The following CD8A variants were observed in gnomAD, a reference collection of about 807,000 sequenced individuals.
The protein encoded by CD8A is T-cell surface glycoprotein CD8 alpha chain.
A neutral mutation model predicts 24.2 loss-of-function variants in CD8A; 25 were observed. That is an observed-to-expected ratio of 1.03 (90% CI 0.75 to 1.44). The LOEUF (loss-of-function observed/expected upper bound fraction) is 1.44, where lower values mean the gene tolerates loss of function less well. CD8A is among the 40% of genes most tolerant of loss of function. The probability of loss-of-function intolerance (pLI) is 0.00; values close to 1 mark genes in which losing one functional copy is unlikely to be tolerated. For synonymous variants in CD8A, 165 were observed against 149.9 expected (o/e 1.10, Z -0.74); for missense variants, 360 against 319.7 (o/e 1.13, Z -0.96).
chr2:86,790,547 C>G lies in CD8A; in HGVS notation c.184G>C (p.Gly62Arg). Residue 62 changes from glycine (G) to arginine (R), a missense_variant, in exon 2 of 6, where the codon GGC becomes CGC. By Grantham distance (125) the Gly-to-Arg change is moderately radical. Transcript: ENST00000283635. ...SGCSWLFQPR[G>R]AAASPTFLLY... Reference sequence around the variant, plus strand: ...AGGAAGGTGGGACTGGCGGCGGCGCCGCGCGGCTGGAAGAGCCACGAGCAG... The same window carrying G: ...AGGAAGGTGGGACTGGCGGCGGCGCGGCGCGGCTGGAAGAGCCACGAGCAG... 1 of 1,613,406 alleles carries G rather than the reference C, an allele frequency of 6.2e-7. No individual in the cohort carries two copies. The highest frequency in any genetic ancestry group is 1.1e-5 in the South Asian group (1 of 91,080).
rs1227636079 is a variant in CD8A at position 86,785,840 on chromosome 2, G to T, written c.*80C>A. The T allele has an allele frequency of 9.7e-7, 1 of 1,032,542 alleles. No homozygotes were observed. Among genetic ancestry groups the T allele is most frequent in the Admixed American group, 1.7e-5 (1 of 59,300 alleles). 64.0% of individuals were successfully genotyped at this position (1,032,542 alleles called of 1,614,324 possible). On this transcript the variant is annotated 3_prime_UTR_variant, in exon 6 of 6. Coordinates refer to ENST00000283635, the MANE Select transcript of CD8A (RefSeq NM_001768.7). ...GAATGAATACACAGGGAGGAAGACT[G>T]GAAAAAATGAAAGGGAAGGACTTGC...
At chr2:86,800,464 A>C (rs1045598278) in intron 3 of CD8A, among the ~76,000 whole-genome samples, 1 of 151,322 alleles carries the variant, frequency 6.6e-6, no homozygotes, top group Admixed American at 6.6e-5. Context: ...AAAAAGAAAG[A>C]AAAAAAAAGA....
At chr2:86,786,743 G>A (rs761989517) in intron 5 of CD8A, among the ~76,000 whole-genome samples, 16 of 152,244 alleles carry the variant, frequency 1.1e-4, no homozygotes, top group Non-Finnish European at 1.9e-4. Context: ...AAAACTGGCC[G>A]GGTGCGGTAG....
chr2:86,790,920 T>C, upstream of CD8A: 1 of 1,213,344 alleles, frequency 8.2e-7, no homozygotes, highest in Non-Finnish European at 1.2e-6. Context: ...AGTTGCGCCC[T>C]TCGGCCGGCC....
intron 3 of CD8A, among the ~76,000 whole-genome samples, chr2:86,798,981 G>A (rs541347135): frequency 6.6e-6 from 1 of 152,098 alleles, no homozygotes; most frequent in Admixed American, 6.5e-5. Flanking sequence ...TCATCATATT[G>A]TGTGTCTTTG....
In CD8A at chr2:86,785,500, C is replaced by G. The variant is rs1672959790; in HGVS notation, c.*420G>C. The stretch of plus-strand genomic sequence containing the variant: ...AGAGCCCTGAGCTGGGAGACAAGGT[C>G]CCTCCAGCTACTGCTCCAACCCTGA... On this transcript the variant is annotated 3_prime_UTR_variant, in exon 6 of 6. Transcript: ENST00000283635. 1 of 461,094 alleles carries G rather than the reference C, an allele frequency of 2.2e-6. No individual in the cohort carries two copies. Among genetic ancestry groups the G allele is most frequent in the Admixed American group, 2.3e-5 (1 of 42,716 alleles). The allele number at this position is 461,094 out of a possible 1,614,324, so 28.6% of individuals were successfully genotyped here. A position where few individuals can be genotyped will look rare whatever the true frequency, so the allele number is the denominator to read the frequency against.
intron 2 of CD8A, among the ~76,000 whole-genome samples, chr2:86,806,404 C>A (rs1354882413): frequency 3.3e-5 from 5 of 152,202 alleles, no homozygotes; most frequent in Non-Finnish European, 5.9e-5. Flanking sequence ...CAAGGAAAGT[C>A]AAGAAGTGGG....
upstream of CD8A, among the ~76,000 whole-genome samples, chr2:86,792,492 T>C (rs1673342773): frequency 6.6e-6 from 1 of 151,932 alleles, no homozygotes; most frequent in African/African-American, 2.4e-5. Flanking sequence ...TCTTTGTCGT[T>C]GTTGCTATTT....
intron 3 of CD8A, among the ~76,000 whole-genome samples, chr2:86,798,301 G>A (rs1034426740): frequency 1.3e-5 from 2 of 151,088 alleles, no homozygotes; most frequent in African/African-American, 2.4e-5. Context: ...TCAGCCTCCC[G>A]AGTAGCTGGG....
chr2:86,790,503 G>C lies in CD8A; in HGVS notation c.228C>G (p.Asn76Lys), dbSNP rs753843448. Residue 76 changes from asparagine (N) to lysine (K), a missense_variant, in exon 2 of 6, where the codon AAC (asparagine) becomes AAG (lysine). Transcript: ENST00000283635. ...CCAGCCCCTCGGCCGCCTTGGGCTT[G>C]TTTTGGGAGAGGTATAGGAGGAAGG... The part of the protein sequence containing the change: ...SPTFLLYLSQ[N>K]KPKAAEGLDT... 1 of 1,614,124 alleles carries C rather than the reference G, an allele frequency of 6.2e-7. No individual in the cohort carries two copies. Among genetic ancestry groups the C allele is most frequent in the South Asian group, 1.1e-5 (1 of 91,082 alleles).
upstream of CD8A, chr2:86,791,521 A>T: frequency 2.2e-6 from 1 of 454,148 alleles, no homozygotes; most frequent in South Asian, 1.6e-5. Flanking sequence ...ACACAGCCTC[A>T]TCTCTTCTTG....
chr2:86,794,326 G>A (rs7577266), upstream of CD8A, among the ~76,000 whole-genome samples: 7,297 of 152,210 alleles, frequency 0.048, 314 homozygotes, highest in East Asian at 0.12. Context: ...ATGCAAAACC[G>A]GGCAGAGCAG....
Position 86,790,422 on chromosome 2 carries a change from G to A in CD8A, c.309C>T (p.Ser103=), listed in dbSNP as rs780004271. The part of the protein sequence containing the change: ...RLGDTFVLTL[S]DFRRENEGYY... ...AGCCCTCGTTCTCTCGGCGGAAGTC[G>A]CTCAGGGTGAGGACGAAGGTGTCCC... Residue 103 remains serine (S), a synonymous_variant, in exon 2 of 6, where the codon AGC becomes AGT. Coordinates refer to ENST00000283635, the MANE Select transcript of CD8A (RefSeq NM_001768.7). 3.1e-6 allele frequency: 5 copies of A among 1,614,030 alleles called. No individual in the cohort carries two copies. Among genetic ancestry groups the A allele is most frequent in the Non-Finnish European group, 4.2e-6 (5 of 1,180,012 alleles).
chr2:86,789,823 C>T, intron 2 of CD8A, 73 bp from the exon 3 acceptor site: 1 of 890,646 alleles, frequency 1.1e-6, no homozygotes, highest in Non-Finnish European at 1.5e-6. Flanking sequence ...GCCTCGCGCA[C>T]CTTTCCCCAC....
At position 86,790,398 on chromosome 2, in the gene CD8A, G is replaced by C; in HGVS notation, c.333C>G (p.Gly111=). 1 of 1,614,164 alleles carries C rather than the reference G, an allele frequency of 6.2e-7. No individual in the cohort carries two copies. The highest frequency in any genetic ancestry group is 8.5e-7 in the Non-Finnish European group (1 of 1,180,024). The part of the protein sequence containing the change: ...TLSDFRRENE[G]YYFCSALSNS... ...TGCTCAGGGCCGAGCAGAAATAGTA[G>C]CCCTCGTTCTCTCGGCGGAAGTCGC... The change falls in exon 2 of 6, where the codon GGC becomes GGG. Residue 111 remains glycine, a synonymous_variant. Transcript: ENST00000283635.
chr2:86,803,504 C>G (rs1362435172), intron 2 of CD8A, among the ~76,000 whole-genome samples: 3 of 152,008 alleles, frequency 2.0e-5, no homozygotes, highest in Non-Finnish European at 4.4e-5. Context: ...TGAAAGAAGC[C>G]AGACACAGAA....
At chr2:86,787,886 A>AGG (rs1474216171) in intron 5 of CD8A, among the ~76,000 whole-genome samples, 17 of 126,802 alleles carry the variant, frequency 1.3e-4, no homozygotes, top group Non-Finnish European at 2.3e-4. Context: ...ACAGAGAGGG[A>AGG]GAGAGAGAGA....
At chr2:86,807,616 G>A (rs1673956245) in exon 2 of CD8A, 1 of 152,452 alleles carries the variant, frequency 6.6e-6, no homozygotes, top group Non-Finnish European at 1.5e-5. Flanking sequence ...CGCCAGCCAT[G>A]AGGACAGATG....
chr2:86,790,759 C>A lies in CD8A; in HGVS notation c.49+18G>T. 2.6e-6 allele frequency: 4 copies of A among 1,537,466 alleles called. No individual in the cohort carries two copies. Among genetic ancestry groups the A allele is most frequent in the East Asian group, 2.4e-5 (1 of 41,250 alleles). ...CCGCCCGCCCCATCCCCTGCCTTCC[C>A]GGGCGTCTCAAACTCACGGAGCAGC... On this transcript the variant is annotated intron_variant, in intron 1 of 5. Transcript: ENST00000283635.
Sources: allele counts gnomAD v4.1 joint callset (sites outside exome capture counted in the v4.1 genomes callset), GRCh38; gene constraint gnomAD v4.1.1; transcripts MANE v1.5; gene names NCBI Gene and HGNC (gene_info 2026-07-23, HGNC 2026-07-21).